Variants in NOL8 observed in about 807,000 individuals in gnomAD.
NOL8 encodes nucleolar protein Nop132.
In NOL8, 93 loss-of-function variants were observed where a neutral mutation model predicts 116.1. The ratio of observed to expected loss-of-function variants is 0.80; its 90% confidence interval spans 0.68 to 0.95. The LOEUF (loss-of-function observed/expected upper bound fraction) is 0.95. NOL8 is among the 40% of genes least tolerant of loss of function. The pLI is 0.00. For synonymous variants in NOL8, 419 were observed against 469.0 expected, an observed-to-expected ratio of 0.89 and a Z score of 1.38; for missense variants, 1,291 against 1,382.8, an observed-to-expected ratio of 0.93 and a Z score of 1.05.
At chr9:92,303,108 G>A (rs917706935) in intron 12 of NOL8, among the ~76,000 whole-genome samples, 1 of 152,236 alleles carries the variant, frequency 6.6e-6, no homozygotes, top group South Asian at 2.1e-4. Flanking sequence ...TAAGAGAGGA[G>A]AGAATGAAAC....
intron 13 of NOL8, chr9:92,300,608 T>C (rs1837648842): frequency 7.0e-6 from 7 of 996,658 alleles, no homozygotes; most frequent in Non-Finnish European, 7.2e-6. Flanking sequence ...CTCTCAAAGT[T>C]AGAAAAACTA....
intron 6 of NOL8, among the ~76,000 whole-genome samples, chr9:92,318,033 C>CA (rs745928872): frequency 0.053 from 1,789 of 34,022 alleles, 81 homozygotes; most frequent in South Asian, 0.067. Context: ...GACTCCATCT[C>CA]AAAAAAAAAA....
chr9:92,314,182 C>A, intron 7 of NOL8, 85 bp downstream of exon 7: 1 of 1,467,360 alleles, frequency 6.8e-7, no homozygotes, highest in Admixed American at 2.5e-5. Context: ...ACAATCAGCT[C>A]TATGGGGGCA....
chr9:92,301,996 C>T (rs554119132), intron 12 of NOL8, among the ~76,000 whole-genome samples, 174 bp from the exon 13 acceptor site: 13 of 152,270 alleles, frequency 8.5e-5, no homozygotes, highest in Admixed American at 6.5e-4. Context: ...ACATATAGAA[C>T]TCTACTAATA....
At position 92,318,622 on chromosome 9, in the gene NOL8, C is replaced by T. The variant is rs41277645; in HGVS notation, c.482G>A (p.Arg161His). The T allele has an allele frequency of 7.4e-3, 11,898 of 1,597,368 alleles. 65 individuals carry two copies. Among genetic ancestry groups the T allele is most frequent in the Middle Eastern group, 0.01 (62 of 6,026 alleles). The change falls in exon 6 of 17, where the codon CGT becomes CAT. Residue 161 changes from arginine (R) to histidine (H), a missense_variant. Arg to His is a conservative substitution (Grantham distance 29). Coordinates refer to ENST00000442668, the MANE Select transcript of NOL8 (RefSeq NM_017948.6). ...TGTTGAGAGGCCAAAGGATATTTTA[C>T]GTTTATGTTGATTTTTAAGGTGAAG... ...PVLHLKNQHK[R>H]KIIKYDPSKY... is the part of the protein sequence containing the mutation.
At chr9:92,302,859 G>A (rs1353762842) in intron 12 of NOL8, among the ~76,000 whole-genome samples, 1 of 152,096 alleles carries the variant, frequency 6.6e-6, no homozygotes, top group African/African-American at 2.4e-5. Context: ...GAAACCATAT[G>A]GTCTTTGAGA....
intron 13 of NOL8, 28 bp from the exon 14 acceptor site, chr9:92,300,044 T>A (rs1175267524): frequency 2.5e-6 from 4 of 1,607,818 alleles, no homozygotes; most frequent in Admixed American, 1.7e-5. Context: ...CAAAAGATGA[T>A]GGGATTGTAA....
chr9:92,305,686 A>C, intron 12 of NOL8, 67 bp downstream of exon 12: 1 of 1,187,310 alleles, frequency 8.4e-7, no homozygotes, highest in Non-Finnish European at 1.2e-6. Flanking sequence ...TCCTACCTAC[A>C]TTTTTAATTG....
chr9:92,313,680 C>T (rs913940104), intron 7 of NOL8, among the ~76,000 whole-genome samples: 5 of 152,200 alleles, frequency 3.3e-5, no homozygotes, highest in Non-Finnish European at 7.3e-5. Flanking sequence ...GAAAGCCTTT[C>T]CACTCCCTTT....
intron 7 of NOL8, among the ~76,000 whole-genome samples, chr9:92,312,368 T>C (rs1182160): frequency 6.8e-6 from 1 of 146,456 alleles, no homozygotes; most frequent in African/African-American, 2.6e-5. Context: ...GTGGGAGAAT[T>C]GCTTGAGCCT....
intron 5 of NOL8, 53 bp from the exon 6 acceptor site, chr9:92,318,739 T>C: frequency 8.5e-7 from 1 of 1,182,586 alleles, no homozygotes; most frequent in Admixed American, 2.8e-5. Context: ...ATGGAAAAGA[T>C]TTAATAACAA....
chr9:92,315,432 G>A lies in NOL8; in HGVS notation c.1193C>T (p.Thr398Ile), dbSNP rs1465932438. 6.3e-7 allele frequency: 1 copy of A among 1,590,970 alleles called. No homozygotes were observed. Among genetic ancestry groups the A allele is most frequent in the Admixed American group, 1.8e-5 (1 of 55,612 alleles). Residue 398 changes from threonine to isoleucine, a missense_variant, in exon 7 of 17, where the codon ACA becomes ATA. Thr to Ile is a moderately conservative substitution (Grantham distance 89). Coordinates refer to ENST00000442668, the MANE Select transcript of NOL8 (RefSeq NM_017948.6). The stretch of plus-strand genomic sequence containing the variant: ...AGATTTTTCCATTTGTGAAAATTCT[G>A]TACTGTTTTTGACCTTAGCAACATT... ...KKNVAKVKNS[T>I]EFSQMEKSTK...
rs146348518 is a variant in NOL8 at position 92,318,455 on chromosome 9, TC to T, written c.486+162del. Reference sequence around the variant, plus strand: ...TATTGTATAAAACCTCAATCCATTTTCTCATGCTCTAATTGTTTCATACATG... The same window carrying T: ...TATTGTATAAAACCTCAATCCATTTTTCATGCTCTAATTGTTTCATACATG... On this transcript the variant is annotated intron_variant, in intron 6 of 16. Transcript: ENST00000442668. Among the ~76,000 whole-genome samples the T allele has an allele frequency of 3.3e-3, 507 of 152,336 alleles. 4 individuals are homozygous for T. Among genetic ancestry groups the T allele is most frequent in the Middle Eastern group, 0.017 (5 of 294 alleles).
At chr9:92,303,932 T>C (rs1365652868) in intron 12 of NOL8, among the ~76,000 whole-genome samples, 1 of 152,208 alleles carries the variant, frequency 6.6e-6, no homozygotes, top group Admixed American at 6.5e-5. Context: ...AAAAGGCTTA[T>C]CTCAAAATGA....
In NOL8 at chr9:92,314,499, TC is replaced by T; in HGVS notation, c.2125del (p.Glu709LysfsTer40). ...HSTTKTEASQEERSDSSGLTS... is the reference protein window; with the variant it reads ...HSTTKTEASQXERSDSSGLTS... ...GAGGCCGCTTGAATCAGACCGCTCT[TC>T]CTGTGAAGCTTCTGTCTTTGTGGTA... On this transcript the variant is annotated frameshift_variant, in exon 7 of 17. Coordinates refer to ENST00000442668, the MANE Select transcript of NOL8 (RefSeq NM_017948.6). LOFTEE classifies it high-confidence loss of function. 6.2e-7 allele frequency: 1 copy of T among 1,613,622 alleles called. No homozygotes were observed. The highest frequency in any genetic ancestry group is 8.5e-7 in the Non-Finnish European group (1 of 1,179,646).
At chr9:92,298,172 C>A in intron 16 of NOL8, 85 bp downstream of exon 16, 2 of 1,015,932 alleles carry the variant, frequency 2.0e-6, no homozygotes, top group Non-Finnish European at 3.0e-6. Context: ...TCACCTATAC[C>A]ATTCATGAGT....
intron 14 of NOL8, among the ~76,000 whole-genome samples, chr9:92,299,390 T>G (rs1837523390): frequency 6.6e-6 from 1 of 152,190 alleles, no homozygotes. Flanking sequence ...TTCCCCTTAG[T>G]GCTATCCAAA....
Position 92,303,652 on chromosome 9 carries a change from A to T in NOL8, c.2904-1830T>A, listed in dbSNP as rs150785597. 4.6e-5 allele frequency among the ~76,000 whole-genome samples: 7 copies of T among 152,242 alleles called. No individual in the cohort carries two copies. In the East Asian group the frequency reaches 1.4e-3, roughly 29 times the overall value. ...CCTAAAAAGAGATAAGAAGCTTCCAACTGTTACCCAGGAACAGTGGTGCAC... is the reference window on the plus strand; with the variant it reads ...CCTAAAAAGAGATAAGAAGCTTCCATCTGTTACCCAGGAACAGTGGTGCAC... On this transcript the variant is annotated intron_variant, in intron 12 of 16. Transcript: ENST00000442668.
At chr9:92,307,871 G>A (rs534283597) in intron 10 of NOL8, among the ~76,000 whole-genome samples, 2 of 152,246 alleles carry the variant, frequency 1.3e-5, no homozygotes, top group South Asian at 2.1e-4. Context: ...AAGCATGCTA[G>A]GTGTTGGAAA....
Sources: allele counts gnomAD v4.1 joint callset (sites outside exome capture counted in the v4.1 genomes callset), GRCh38; gene constraint gnomAD v4.1.1; transcripts MANE v1.5; gene names NCBI Gene and HGNC (gene_info 2026-07-23, HGNC 2026-07-21).